CDH13: variants seen among roughly 807,000 people sequenced by gnomAD.
CDH13 encodes cadherin 13.
CDH13 carries 24 observed loss-of-function variants against 63.8 expected under a neutral mutation model. The ratio of observed to expected loss-of-function variants is 0.38; its 90% CI spans 0.27 to 0.53. CDH13 has a LOEUF of 0.53. CDH13 is among the 20% of genes least tolerant of loss of function. The probability of loss-of-function intolerance (pLI) is 0.85; values close to 1 mark genes in which losing one functional copy is unlikely to be tolerated. For missense variants in CDH13, 1,049 were observed against 903.1 expected, an observed-to-expected ratio of 1.16 and a Z score of -2.07; for synonymous variants, 503 against 355.3, an observed-to-expected ratio of 1.42 and a Z score of -4.67.
At chr16:83,272,671 G>T (rs1042633183) in intron 5 of CDH13, among the ~76,000 whole-genome samples, 2 of 152,110 alleles carry the variant, frequency 1.3e-5, no homozygotes, top group Non-Finnish European at 2.9e-5. Context: ...AGGTCTGTGT[G>T]GCCCCTGAAG....
chr16:83,781,837 T>A (rs930766196), intron 12 of CDH13, among the ~76,000 whole-genome samples: 1 of 151,336 alleles, frequency 6.6e-6, no homozygotes, highest in Non-Finnish European at 1.5e-5. Flanking sequence ...AATACCTAGG[T>A]GATGGGATGA....
At chr16:83,120,773 T>C (rs887630839) in intron 3 of CDH13, among the ~76,000 whole-genome samples, 1 of 39,310 alleles carries the variant, frequency 2.5e-5, no homozygotes, top group Non-Finnish European at 8.0e-5. Flanking sequence ...CTTTTTTTTT[T>C]TTTTTTCTGA....
intron 1 of CDH13, among the ~76,000 whole-genome samples, chr16:82,649,431 T>G (rs1470719080): frequency 6.6e-6 from 1 of 152,112 alleles, no homozygotes; most frequent in Non-Finnish European, 1.5e-5. Context: ...AAGTGGCAGA[T>G]AGTCTTAGGC....
At chr16:82,732,990 T>C (rs1264037537) in intron 1 of CDH13, among the ~76,000 whole-genome samples, 2 of 152,204 alleles carry the variant, frequency 1.3e-5, no homozygotes, top group Non-Finnish European at 2.9e-5. Context: ...GATATCTCCA[T>C]TTGTTTTTCT....
chr16:82,715,453 T>G (rs1349114250), intron 1 of CDH13, among the ~76,000 whole-genome samples: 1 of 152,106 alleles, frequency 6.6e-6, no homozygotes, highest in Non-Finnish European at 1.5e-5. Flanking sequence ...TTATTGATCT[T>G]GAGACCAGAG....
At chr16:82,758,440 G>A (rs927308211) in intron 1 of CDH13, among the ~76,000 whole-genome samples, 9 of 148,662 alleles carry the variant, frequency 6.1e-5, no homozygotes, top group African/African-American at 2.2e-4. Flanking sequence ...CCCCCCCTTT[G>A]CTTTGTCTCC....
intron 3 of CDH13, 170 bp downstream of exon 3, chr16:83,032,388 T>C (rs1916446847): frequency 5.0e-6 from 3 of 597,124 alleles, no homozygotes; most frequent in Non-Finnish European, 8.9e-6. Context: ...GCAGCGGGAA[T>C]TAATTGATTC....
chr16:82,898,644 A>G (rs1470827392), intron 2 of CDH13, among the ~76,000 whole-genome samples: 4 of 152,192 alleles, frequency 2.6e-5, no homozygotes, highest in African/African-American at 9.6e-5. Flanking sequence ...CCCGGAGCAA[A>G]TGTCTGTGGG....
chr16:83,752,747 A>T (rs1673909127), intron 11 of CDH13, among the ~76,000 whole-genome samples: 1 of 152,226 alleles, frequency 6.6e-6, no homozygotes, highest in South Asian at 2.1e-4. Context: ...CATATACAAA[A>T]TGAAGAAGAT....
intron 1 of CDH13, among the ~76,000 whole-genome samples, chr16:82,698,745 G>A (rs766181260): frequency 3.3e-5 from 5 of 152,100 alleles, no homozygotes; most frequent in African/African-American, 9.7e-5. Flanking sequence ...GTGAAGAATC[G>A]GAACATTTTT....
At chr16:82,763,358 C>T (rs888721615) in intron 1 of CDH13, among the ~76,000 whole-genome samples, 1 of 152,128 alleles carries the variant, frequency 6.6e-6, no homozygotes, top group Non-Finnish European at 1.5e-5. Flanking sequence ...TATTTTCCAC[C>T]TCCTCCTCTG....
intron 1 of CDH13, among the ~76,000 whole-genome samples, chr16:82,852,872 G>T (rs1254028449): frequency 1.3e-5 from 2 of 152,114 alleles, no homozygotes; most frequent in South Asian, 2.1e-4. Context: ...TATGCTGCCA[G>T]TTGGCAACCT....
chr16:82,761,017 C>CTTTTTTTGTTTTTTTT (rs2034821153), intron 1 of CDH13, among the ~76,000 whole-genome samples: 1 of 40,452 alleles, frequency 2.5e-5, no homozygotes. Flanking sequence ...TTCTTTCTTT[C>CTTTTTTTGTTTTTTTT]TTTTTTTTTT....
intron 7 of CDH13, among the ~76,000 whole-genome samples, chr16:83,586,679 G>A (rs1906190701): frequency 6.6e-6 from 1 of 152,174 alleles, no homozygotes; most frequent in Admixed American, 6.5e-5. Context: ...CCTCGTGGGA[G>A]CAGGTCAGGG....
At chr16:83,566,881 G>C (rs189932962) in intron 7 of CDH13, among the ~76,000 whole-genome samples, 24 of 151,908 alleles carry the variant, frequency 1.6e-4, no homozygotes, top group African/African-American at 5.8e-4. Flanking sequence ...CAACCAAGAG[G>C]AAAAAAAAGA....
At chr16:83,257,658 G>A (rs773546846) in intron 5 of CDH13, among the ~76,000 whole-genome samples, 5 of 152,142 alleles carry the variant, frequency 3.3e-5, no homozygotes, top group South Asian at 4.1e-4. Flanking sequence ...TTTCTTTATC[G>A]TGTCTACCAT....
intron 1 of CDH13, among the ~76,000 whole-genome samples, chr16:82,835,453 T>C (rs1468452832): frequency 6.6e-6 from 1 of 152,210 alleles, no homozygotes; most frequent in Non-Finnish European, 1.5e-5. Flanking sequence ...CTGCAAATAT[T>C]GTACCCACCC....
intron 11 of CDH13, among the ~76,000 whole-genome samples, chr16:83,776,285 A>AC (rs1915109473): frequency 6.6e-6 from 1 of 152,236 alleles, no homozygotes; most frequent in Admixed American, 6.5e-5. Context: ...GAGTGAAAAA[A>AC]CATAATGGAT....
intron 5 of CDH13, among the ~76,000 whole-genome samples, chr16:83,247,181 G>C (rs1175575706): frequency 6.6e-6 from 1 of 152,168 alleles, no homozygotes; most frequent in Non-Finnish European, 1.5e-5. Context: ...ATCTAGTTTT[G>C]AGCAAAGGAA....
Sources: gnomAD v4.1 joint callset for allele counts (sites outside exome capture counted in the v4.1 genomes callset) on GRCh38, gnomAD v4.1.1 for gene constraint, MANE v1.5 for transcripts, NCBI Gene and HGNC (gene_info 2026-07-23, HGNC 2026-07-21) for gene names.